TIMM13: variants seen among roughly 807,000 people sequenced by gnomAD.
TIMM13 encodes the protein translocase of inner mitochondrial membrane 13.
In TIMM13, 8 loss-of-function variants were observed where a neutral mutation model predicts 10.9. That is an observed-to-expected ratio of 0.73 (90% CI 0.43 to 1.32). The LOEUF (loss-of-function observed/expected upper bound fraction) is 1.32. Ranked by LOEUF, TIMM13 falls within the 40% of genes most tolerant of loss-of-function variation. The probability of loss-of-function intolerance (pLI) is 0.01; values close to 1 mark genes in which losing one functional copy is unlikely to be tolerated. For synonymous variants in TIMM13, 68 were observed against 52.5 expected (o/e 1.30, Z -1.28); for missense variants, 147 against 132.8 (o/e 1.11, Z -0.53).
chr19:2,426,888 C>T lies in TIMM13; in HGVS notation c.*60G>A. 7 of 1,509,974 alleles carry T rather than the reference C, an allele frequency of 4.6e-6. No homozygotes were observed. Among genetic ancestry groups the T allele is most frequent in the Non-Finnish European group, 5.4e-6 (6 of 1,113,626 alleles). 93.5% of individuals were successfully genotyped at this position (1,509,974 alleles called of 1,614,324 possible). A position where few individuals can be genotyped will look rare whatever the true frequency, so the allele number is the denominator to read the frequency against. ...CGGGCAGGCAGTACGTACATGCGGACCCCGCCTCTCAAAGCACGTTTATGG... is the reference window on the plus strand; with the variant it reads ...CGGGCAGGCAGTACGTACATGCGGATCCCGCCTCTCAAAGCACGTTTATGG... On this transcript the variant is annotated 3_prime_UTR_variant, in exon 3 of 3. Transcript: ENST00000215570.
rs368837180 is a variant in TIMM13, at chr19:2,425,893, G to A, written c.*1055C>T. ...CAAGGGCTGCTGTAGGGGAGGTACC[G>A]GCCTCTGAACCCCCTTTCTTCTCTC... On this transcript the variant is annotated 3_prime_UTR_variant, in exon 3 of 3. Transcript: ENST00000215570. 7 of 1,556,172 alleles carry A rather than the reference G, an allele frequency of 4.5e-6. No homozygotes were observed. Among genetic ancestry groups the A allele is most frequent in the East Asian group, 4.6e-5 (2 of 43,186 alleles).
intron 2 of TIMM13, 72 bp downstream of exon 2, chr19:2,427,184 C>A: frequency 6.3e-7 from 1 of 1,585,148 alleles, no homozygotes; most frequent in Non-Finnish European, 8.6e-7. Context: ...CGTTAGTCTG[C>A]GCACGCGCAG....
In TIMM13 at chr19:2,426,957, G is replaced by T; in HGVS notation, c.279C>A (p.Ala93=). 1 of 1,595,162 alleles carries T rather than the reference G, an allele frequency of 6.3e-7. No homozygotes were observed. The highest frequency in any genetic ancestry group is 8.5e-7 in the Non-Finnish European group (1 of 1,171,710). The change falls in exon 3 of 3, where the codon GCC becomes GCA. Residue 93 remains alanine (A), a synonymous_variant. Transcript: ENST00000215570. ...GGCCCGCGCTCGCCGGTCACATGTT[G>T]GCTCGTTCCCGCTGCAGCCGCGAGT... ...AYNSRLQRER[A]NM
At position 2,426,881 on chromosome 19, in the gene TIMM13, A is replaced by T. The variant is rs1280862885; in HGVS notation, c.*67T>A. ...TAAGCCCCGGGCAGGCAGTACGTAC[A>T]TGCGGACCCCGCCTCTCAAAGCACG... On this transcript the variant is annotated 3_prime_UTR_variant, in exon 3 of 3. Coordinates refer to ENST00000215570, the MANE Select transcript of TIMM13 (RefSeq NM_012458.4). The T allele has an allele frequency of 6.7e-7, 1 of 1,487,662 alleles. No homozygotes were observed. Among genetic ancestry groups the T allele is most frequent in the East Asian group, 2.5e-5 (1 of 40,554 alleles). 92.2% of individuals were successfully genotyped at this position (1,487,662 alleles called of 1,614,324 possible).
At position 2,427,026 on chromosome 19, in the gene TIMM13, C is replaced by T. The variant is rs1260224646; in HGVS notation, c.210G>A (p.Met70Ile). 1 of 1,609,432 alleles carries T rather than the reference C, an allele frequency of 6.2e-7. No homozygotes were observed. Among genetic ancestry groups the T allele is most frequent in the South Asian group, 1.1e-5 (1 of 90,642 alleles). Reference protein sequence around the residue: ...NSEQKCIAMCMDRYMDAWNTV... With the variant: ...NSEQKCIAMCIDRYMDAWNTV... ...TGTTCCAGGCGTCCATGTAGCGGTCCATGCACATGGCGATGCACTTCTGCG... is the reference window on the plus strand; with the variant it reads ...TGTTCCAGGCGTCCATGTAGCGGTCTATGCACATGGCGATGCACTTCTGCG... The change falls in exon 3 of 3, where the codon ATG (methionine) becomes ATA (isoleucine). Residue 70 changes from methionine (M) to isoleucine (I), a missense_variant. By Grantham distance (10) the Met-to-Ile change is conservative. Coordinates refer to ENST00000215570, the MANE Select transcript of TIMM13 (RefSeq NM_012458.4).
rs776276203 is a variant in TIMM13, at chr19:2,425,913, T to G, written c.*1035A>C. The stretch of plus-strand genomic sequence containing the variant: ...GTACCGGCCTCTGAACCCCCTTTCT[T>G]CTCTCCCCAACAGGGTGACGCTGGG... On this transcript the variant is annotated 3_prime_UTR_variant, in exon 3 of 3. Coordinates refer to ENST00000215570, the MANE Select transcript of TIMM13 (RefSeq NM_012458.4). The G allele has an allele frequency of 6.2e-5, 98 of 1,576,034 alleles. No homozygotes were observed. Among genetic ancestry groups the G allele is most frequent in the Non-Finnish European group, 8.1e-5 (95 of 1,167,378 alleles).
rs1291111236 is a variant in TIMM13 at position 2,425,914 on chromosome 19, C to T, written c.*1034G>A. 2.5e-6 allele frequency: 4 copies of T among 1,576,704 alleles called. No individual in the cohort carries two copies. The highest frequency in any genetic ancestry group is 1.4e-5 in the African/African-American group (1 of 72,390). The stretch of plus-strand genomic sequence containing the variant: ...TACCGGCCTCTGAACCCCCTTTCTT[C>T]TCTCCCCAACAGGGTGACGCTGGGG... On this transcript the variant is annotated 3_prime_UTR_variant, in exon 3 of 3. Transcript: ENST00000215570.
At position 2,427,485 on chromosome 19, in the gene TIMM13, G is replaced by C; in HGVS notation, c.49C>G (p.Leu17Val). Residue 17 changes from leucine to valine, a missense_variant, in exon 1 of 3, where the codon CTG (leucine) becomes GTG (valine). Transcript: ENST00000215570. ...SDFGGSGSGK[L>V]DPGLIMEQVK... ...TGCTCCATTATGAGCCCTGGGTCCA[G>C]CTTCCCGCTGCCGGAGCCCCCGAAA... is the stretch of plus-strand genomic sequence containing the variant. 6.2e-7 allele frequency: 1 copy of C among 1,612,026 alleles called. No homozygotes were observed. The highest frequency in any genetic ancestry group is 8.5e-7 in the Non-Finnish European group (1 of 1,179,462).
rs903721659 is a variant in TIMM13 at position 2,426,599 on chromosome 19, G to A, written c.*349C>T. On this transcript the variant is annotated 3_prime_UTR_variant, in exon 3 of 3. Transcript: ENST00000215570. Reference sequence around the variant, plus strand: ...CACCAATTTATTTGCCCATCCGCAGGAGGTGACAGCTCCTGTGGTGTCTGA... The same window carrying A: ...CACCAATTTATTTGCCCATCCGCAGAAGGTGACAGCTCCTGTGGTGTCTGA... 1.4e-4 allele frequency: 57 copies of A among 398,082 alleles called. 1 individual carries two copies. In the East Asian group the frequency reaches 2.5e-3, roughly 17 times the overall value. The allele number at this position is 398,082 out of a possible 1,614,324, so 24.7% of individuals were successfully genotyped here.
chr19:2,425,948 G>C lies in TIMM13; in HGVS notation c.*1000C>G, dbSNP rs771464310. The C allele has an allele frequency of 3.1e-6, 5 of 1,601,374 alleles. No homozygotes were observed. The highest frequency in any genetic ancestry group is 4.3e-6 in the Non-Finnish European group (5 of 1,176,042). ...ACAGGGTGACGCTGGGGGACCCCTG[G>C]CCTGCAGGGAGCCCTCTGGACGGTG... On this transcript the variant is annotated 3_prime_UTR_variant, in exon 3 of 3. Coordinates refer to ENST00000215570, the MANE Select transcript of TIMM13 (RefSeq NM_012458.4).
Position 2,427,446 on chromosome 19 carries a change from T to G in TIMM13, c.88A>C (p.Ile30Leu). The G allele has an allele frequency of 6.2e-7, 1 of 1,612,830 alleles. No individual in the cohort carries two copies. Among genetic ancestry groups the G allele is most frequent in the Non-Finnish European group, 8.5e-7 (1 of 1,179,688 alleles). ...AGCTCCTGCGCGTTGGCCACGGCGA[T>G]CTGCACTTTCACCTGCTCCATTATG... The part of the protein sequence containing the change: ...GLIMEQVKVQ[I>L]AVANAQELLQ... Residue 30 changes from isoleucine (I) to leucine (L), a missense_variant, in exon 1 of 3, where the codon ATC (isoleucine) becomes CTC (leucine). Coordinates refer to ENST00000215570, the MANE Select transcript of TIMM13 (RefSeq NM_012458.4).
In TIMM13 at chr19:2,426,998, C is replaced by G; in HGVS notation, c.238G>C (p.Val80Leu). 6.2e-7 allele frequency: 1 copy of G among 1,608,144 alleles called. No homozygotes were observed. Among genetic ancestry groups the G allele is most frequent in the Admixed American group, 1.7e-5 (1 of 59,350 alleles). The change falls in exon 3 of 3, where the codon GTG becomes CTG. Residue 80 changes from valine to leucine, a missense_variant. Transcript: ENST00000215570. ...AGCCGCGAGTTGTAGGCGCGAGACA[C>G]GGTGTTCCAGGCGTCCATGTAGCGG... ...MDRYMDAWNT[V>L]SRAYNSRLQR...
In TIMM13 at chr19:2,426,719, T is replaced by A. The variant is rs1247217278; in HGVS notation, c.*229A>T. 3 of 583,974 alleles carry A rather than the reference T, an allele frequency of 5.1e-6. No individual in the cohort carries two copies. Among genetic ancestry groups the A allele is most frequent in the Admixed American group, 2.9e-5 (1 of 34,128 alleles). 36.2% of individuals were successfully genotyped at this position (583,974 alleles called of 1,614,324 possible). On this transcript the variant is annotated 3_prime_UTR_variant, in exon 3 of 3. Coordinates refer to ENST00000215570, the MANE Select transcript of TIMM13 (RefSeq NM_012458.4). ...GAATACCCCAAAGGCCTGAAGGAGG[T>A]GCCACTGGGCTGCCAGCACTTCAGG...
chr19:2,425,974 G>A lies in TIMM13; in HGVS notation c.*974C>T. The A allele has an allele frequency of 6.2e-7, 1 of 1,607,242 alleles. No individual in the cohort carries two copies. Among genetic ancestry groups the A allele is most frequent in the Non-Finnish European group, 8.5e-7 (1 of 1,177,876 alleles). ...CCTGCAGGGAGCCCTCTGGACGGTGGGTGCTAACTGGGGTCACTAGCTGGG... is the reference window on the plus strand; with the variant it reads ...CCTGCAGGGAGCCCTCTGGACGGTGAGTGCTAACTGGGGTCACTAGCTGGG... On this transcript the variant is annotated 3_prime_UTR_variant, in exon 3 of 3. Transcript: ENST00000215570.
At position 2,426,809 on chromosome 19, in the gene TIMM13, G is replaced by C; in HGVS notation, c.*139C>G. 1 of 843,548 alleles carries C rather than the reference G, an allele frequency of 1.2e-6. No individual in the cohort carries two copies. The highest frequency in any genetic ancestry group is 1.9e-6 in the Non-Finnish European group (1 of 533,054). 52.3% of individuals were successfully genotyped at this position (843,548 alleles called of 1,614,324 possible). ...TGGCTGGCAGGGGGCAGGGCGGGGG[G>C]TGGCGAGGACACAGTCCCGTGTGTC... is the stretch of plus-strand genomic sequence containing the variant. On this transcript the variant is annotated 3_prime_UTR_variant, in exon 3 of 3. Transcript: ENST00000215570.
intron 1 of TIMM13, 31 bp from the exon 2 acceptor site, chr19:2,427,355 C>T (rs545812761): frequency 1.2e-6 from 2 of 1,612,560 alleles, no homozygotes; most frequent in Non-Finnish European, 1.7e-6. Context: ...TTAGCCGCGA[C>T]GTCGGCCCCC....
rs942417148 is a variant in TIMM13 at position 2,426,165 on chromosome 19, C to T, written c.*783G>A. ...CAGGCCACCCAACACCCCACCCCAC[C>T]GTACCCTACCCAAGGACGGGTGTGG... On this transcript the variant is annotated 3_prime_UTR_variant, in exon 3 of 3. Coordinates refer to ENST00000215570, the MANE Select transcript of TIMM13 (RefSeq NM_012458.4). 6.5e-6 allele frequency: 10 copies of T among 1,532,590 alleles called. No homozygotes were observed. Among genetic ancestry groups the T allele is most frequent in the Admixed American group, 4.3e-5 (2 of 46,680 alleles). 94.9% of individuals were successfully genotyped at this position (1,532,590 alleles called of 1,614,324 possible). A position where few individuals can be genotyped will look rare whatever the true frequency, so the allele number is the denominator to read the frequency against.
intron 2 of TIMM13, 46 bp downstream of exon 2, chr19:2,427,210 A>T: frequency 6.2e-7 from 1 of 1,605,346 alleles, no homozygotes; most frequent in Non-Finnish European, 8.5e-7. Context: ...TCCCCCCTCG[A>T]ATCTAGGCCC....
rs565933131 is a variant in TIMM13 at position 2,425,718 on chromosome 19, G to A, written c.*1230C>T. 153 of 1,159,212 alleles carry A rather than the reference G, an allele frequency of 1.3e-4. 1 individual carries two copies. In the East Asian group the frequency reaches 4.1e-3, roughly 31 times the overall value. The allele number at this position is 1,159,212 out of a possible 1,614,324, so 71.8% of individuals were successfully genotyped here. On this transcript the variant is annotated 3_prime_UTR_variant, in exon 3 of 3. Coordinates refer to ENST00000215570, the MANE Select transcript of TIMM13 (RefSeq NM_012458.4). ...GGGCCTCGGCGGCAGAGCAGGCAGA[G>A]GCTGCAGTGGGAGGCACCGTTCCAC...
Sources: gnomAD v4.1 joint callset for allele counts on GRCh38, gnomAD v4.1.1 for gene constraint, MANE v1.5 for transcripts, NCBI Gene and HGNC (gene_info 2026-07-23, HGNC 2026-07-21) for gene names.